The following SMYD3 variants were observed in gnomAD, a reference collection of about 807,000 sequenced individuals.
The protein encoded by SMYD3 is histone-lysine N-methyltransferase SMYD3.
SMYD3 carries 36 observed loss-of-function variants against 57.7 expected under a neutral mutation model. The observed-to-expected ratio is 0.62, with a 90% confidence interval of 0.48 to 0.82. The LOEUF (loss-of-function observed/expected upper bound fraction) is 0.82, where lower values mean the gene tolerates loss of function less well. Ranked by LOEUF, SMYD3 falls within the 40% of genes least tolerant of loss-of-function variation. The pLI is 0.00. For synonymous variants in SMYD3, 211 were observed against 195.0 expected (o/e 1.08, Z -0.68); for missense variants, 515 against 538.8 (o/e 0.96, Z 0.44).
chr1:246,188,271 G>A (rs1040373220), intron 5 of SMYD3, among the ~76,000 whole-genome samples: 2 of 151,986 alleles, frequency 1.3e-5, no homozygotes, highest in African/African-American at 4.8e-5. Context: ...ATACAGCAGC[G>A]AACAGGAGCG....
intron 1 of SMYD3, among the ~76,000 whole-genome samples, chr1:246,458,691 C>T (rs75850704): frequency 0.043 from 5,537 of 129,500 alleles, 314 homozygotes; most frequent in African/African-American, 0.14. Flanking sequence ...TGGTCTGGAT[C>T]TCCTGACCTC....
At chr1:245,893,562 G>T (rs1005527314) in intron 8 of SMYD3, among the ~76,000 whole-genome samples, 10 of 152,160 alleles carry the variant, frequency 6.6e-5, no homozygotes, top group Non-Finnish European at 1.0e-4. Context: ...TTATAAATGT[G>T]TGTACAAATA....
At chr1:246,215,953 C>T (rs1037357056) in intron 5 of SMYD3, among the ~76,000 whole-genome samples, 11 of 151,958 alleles carry the variant, frequency 7.2e-5, no homozygotes, top group Admixed American at 5.2e-4. Flanking sequence ...CACAAGGAAA[C>T]CGAATAGAGA....
At chr1:246,228,987 G>A (rs1026433543) in intron 5 of SMYD3, among the ~76,000 whole-genome samples, 5 of 152,050 alleles carry the variant, frequency 3.3e-5, no homozygotes, top group African/African-American at 7.2e-5. Context: ...TACAAATTTC[G>A]AAGCTACAAT....
chr1:246,494,370 T>C (rs943241524), intron 1 of SMYD3, among the ~76,000 whole-genome samples: 4 of 152,218 alleles, frequency 2.6e-5, no homozygotes, highest in African/African-American at 9.6e-5. Flanking sequence ...TTTTTTTTTA[T>C]TCCTTTCCCA....
At chr1:246,140,265 G>C (rs1476507418) in intron 5 of SMYD3, among the ~76,000 whole-genome samples, 1 of 152,150 alleles carries the variant, frequency 6.6e-6, no homozygotes, top group African/African-American at 2.4e-5. Flanking sequence ...CCACCGCTTT[G>C]GATGTGCATT....
intron 1 of SMYD3, among the ~76,000 whole-genome samples, chr1:246,448,361 T>C (rs2067578199): frequency 6.6e-6 from 1 of 152,210 alleles, no homozygotes; most frequent in Non-Finnish European, 1.5e-5. Flanking sequence ...CATCCTCTAC[T>C]CTTCCCTTTC....
chr1:246,180,270 T>A (rs892129665), intron 5 of SMYD3, among the ~76,000 whole-genome samples: 6 of 132,700 alleles, frequency 4.5e-5, no homozygotes, highest in South Asian at 2.4e-4. Context: ...TCTATATATA[T>A]GTGTATATAT....
chr1:245,973,634 C>T (rs555643305), intron 5 of SMYD3, among the ~76,000 whole-genome samples: 5 of 152,298 alleles, frequency 3.3e-5, no homozygotes, highest in Admixed American at 6.5e-5. Context: ...ATTTTCTCAG[C>T]GAAAAGAGTT....
intron 11 of SMYD3, among the ~76,000 whole-genome samples, chr1:245,754,860 T>G (rs2045543313): frequency 6.6e-6 from 1 of 152,194 alleles, no homozygotes; most frequent in African/African-American, 2.4e-5. Context: ...ACCAGATCAT[T>G]GCAGTGGAAC....
chr1:246,286,980 C>T (rs561331124), intron 5 of SMYD3, among the ~76,000 whole-genome samples: 2 of 151,634 alleles, frequency 1.3e-5, no homozygotes, highest in African/African-American at 4.8e-5. Context: ...AAGCAGTTCT[C>T]ATGTCTCAGC....
At chr1:246,147,224 T>C (rs947719288) in intron 5 of SMYD3, among the ~76,000 whole-genome samples, 6 of 150,960 alleles carry the variant, frequency 4.0e-5, no homozygotes, top group African/African-American at 1.5e-4. Flanking sequence ...GCCCTCTTAA[T>C]TTCCCAGTCC....
chr1:245,925,482 C>G (rs1486432964), intron 7 of SMYD3, among the ~76,000 whole-genome samples: 1 of 152,134 alleles, frequency 6.6e-6, no homozygotes, highest in Non-Finnish European at 1.5e-5. Context: ...TCCAAGGGGT[C>G]AGTTTGAAAG....
chr1:245,955,968 G>A (rs2057828662), intron 5 of SMYD3: 22 of 984,682 alleles, frequency 2.2e-5, no homozygotes, highest in Non-Finnish European at 2.7e-5. Flanking sequence ...CTCTTGATGT[G>A]TCTTCTAGGA....
intron 5 of SMYD3, among the ~76,000 whole-genome samples, chr1:245,957,275 A>C (rs1193459696): frequency 6.6e-6 from 1 of 152,216 alleles, no homozygotes; most frequent in East Asian, 1.9e-4. Flanking sequence ...AAAAAGAAAG[A>C]CCATCGCTTT....
intron 5 of SMYD3, among the ~76,000 whole-genome samples, chr1:246,067,002 T>C (rs2060353440): frequency 6.6e-6 from 1 of 152,218 alleles, no homozygotes; most frequent in South Asian, 2.1e-4. Context: ...ACAGTCTTTC[T>C]TTGAAGCGGT....
intron 10 of SMYD3, among the ~76,000 whole-genome samples, chr1:245,807,912 A>G (rs1024626074): frequency 8.5e-5 from 13 of 152,190 alleles, no homozygotes; most frequent in Non-Finnish European, 1.3e-4. Context: ...AGCATGAGAT[A>G]TGGGTGCCTT....
chr1:246,334,465 A>C (rs1233489006), intron 3 of SMYD3, among the ~76,000 whole-genome samples: 1 of 152,190 alleles, frequency 6.6e-6, no homozygotes, highest in Non-Finnish European at 1.5e-5. Context: ...AAAAACAGAA[A>C]ACCAAATACC....
intron 5 of SMYD3, chr1:246,322,374 G>C (rs2065264318): frequency 6.6e-6 from 1 of 151,650 alleles, no homozygotes; most frequent in Non-Finnish European, 1.5e-5. Context: ...TCCCAAAGAG[G>C]GGGAAAAAAA....
Sources: gnomAD v4.1 joint callset for allele counts (sites outside exome capture counted in the v4.1 genomes callset) on GRCh38, gnomAD v4.1.1 for gene constraint, MANE v1.5 for transcripts, NCBI Gene and HGNC (gene_info 2026-07-23, HGNC 2026-07-21) for gene names.